The following CSMD1 variants were observed in gnomAD, a reference collection of about 807,000 sequenced individuals.
CSMD1 encodes CUB and sushi domain-containing protein 1.
Under a neutral mutation model 417.5 loss-of-function variants are expected in CSMD1, and 213 were observed. That is an observed-to-expected ratio of 0.51 (90% CI 0.46 to 0.57). CSMD1 has a LOEUF of 0.57. CSMD1 is among the 20% of genes least tolerant of loss of function. CSMD1 has a pLI of 0.00. For missense variants in CSMD1, 6,923 were observed against 4,529.7 expected, an observed-to-expected ratio of 1.53 and a Z score of -15.17; for synonymous variants, 2,862 against 1,736.8, an observed-to-expected ratio of 1.65 and a Z score of -16.11.
chr8:4,808,494 G>T (rs1585133919), intron 1 of CSMD1, among the ~76,000 whole-genome samples: 1 of 152,134 alleles, frequency 6.6e-6, no homozygotes, highest in Non-Finnish European at 1.5e-5. Context: ...AATAATCATA[G>T]TGAATAAAAC....
intron 5 of CSMD1, among the ~76,000 whole-genome samples, chr8:3,993,362 G>A (rs758993713): frequency 4.0e-4 from 61 of 152,080 alleles, no homozygotes; most frequent in Non-Finnish European, 8.1e-4. Flanking sequence ...AATTCTCCCT[G>A]GTTAGAAATT....
chr8:3,059,480 C>T (rs368936989), intron 49 of CSMD1, among the ~76,000 whole-genome samples: 13 of 152,090 alleles, frequency 8.5e-5, no homozygotes, highest in Non-Finnish European at 1.2e-4. Context: ...CGCTGTGAAG[C>T]GAAAATGCTG....
intron 7 of CSMD1, among the ~76,000 whole-genome samples, chr8:3,618,788 T>A (rs559765409): frequency 1.3e-5 from 2 of 152,346 alleles, no homozygotes; most frequent in South Asian, 4.1e-4. Context: ...TTTCATGATG[T>A]CTTACTCTCC....
intron 20 of CSMD1, among the ~76,000 whole-genome samples, chr8:3,366,597 T>C (rs1303999790): frequency 6.6e-6 from 1 of 152,180 alleles, no homozygotes; most frequent in Non-Finnish European, 1.5e-5. Flanking sequence ...CACCTGCTTC[T>C]TTCATCCTAG....
chr8:4,252,045 A>C (rs1803117769), intron 3 of CSMD1, among the ~76,000 whole-genome samples: 1 of 152,204 alleles, frequency 6.6e-6, no homozygotes, highest in African/African-American at 2.4e-5. Flanking sequence ...GAATTTCTTT[A>C]AGCACAGAAG....
rs1816185512 is a variant in CSMD1 at position 3,106,925 on chromosome 8, A to C, written c.6836-284T>G. On this transcript the variant is annotated intron_variant, in intron 45 of 69. Transcript: ENST00000635120. ...GGTTTCCCTTCCCCAGTGATTGCTG[A>C]CGAAAAGAAAAAAAAAGTAAAGTAG... 6 of 274,234 alleles carry C rather than the reference A, an allele frequency of 2.2e-5. No homozygotes were observed. The South Asian group carries it at 5.3e-4, about 24-fold the overall frequency. The allele number at this position is 274,234 out of a possible 1,614,324, so 17.0% of individuals were successfully genotyped here.
At chr8:4,112,195 T>C (rs547001368) in intron 3 of CSMD1, among the ~76,000 whole-genome samples, 1 of 152,120 alleles carries the variant, frequency 6.6e-6, no homozygotes, top group Non-Finnish European at 1.5e-5. Flanking sequence ...GCCATAATTA[T>C]CAAGAACCAG....
chr8:3,416,594 T>G (rs1052853282), intron 12 of CSMD1, among the ~76,000 whole-genome samples: 4 of 152,214 alleles, frequency 2.6e-5, no homozygotes, highest in Non-Finnish European at 4.4e-5. Flanking sequence ...TCCTTTTGTG[T>G]AGTCAACCAT....
In CSMD1 at chr8:2,965,765, C is replaced by T; in HGVS notation, c.9280+10G>A. On this transcript the variant is annotated intron_variant, in intron 59 of 69. Transcript: ENST00000635120. ...CACATCTGTAAAATCCAAAGAGTCA[C>T]CAAACAAACCTTTGCAGACAGGTTT... 6.3e-7 allele frequency: 1 copy of T among 1,593,562 alleles called. No homozygotes were observed. The highest frequency in any genetic ancestry group is 2.3e-5 in the East Asian group (1 of 44,272).
At chr8:4,302,798 C>T (rs931395571) in intron 3 of CSMD1, among the ~76,000 whole-genome samples, 3 of 152,152 alleles carry the variant, frequency 2.0e-5, no homozygotes, top group African/African-American at 7.2e-5. Flanking sequence ...AGCCCCTCTA[C>T]AAGCCAGAGA....
At chr8:3,639,860 G>C (rs1797222195) in intron 7 of CSMD1, among the ~76,000 whole-genome samples, 1 of 152,076 alleles carries the variant, frequency 6.6e-6, no homozygotes, top group Non-Finnish European at 1.5e-5. Flanking sequence ...TTATCAGCTG[G>C]AAAAATATGT....
At chr8:3,613,543 G>GA (rs573150107) in intron 8 of CSMD1, among the ~76,000 whole-genome samples, 3 of 151,498 alleles carry the variant, frequency 2.0e-5, no homozygotes, top group South Asian at 4.2e-4. Context: ...TCCATAAAAA[G>GA]AAAAAAACAT....
chr8:4,553,439 A>ATTTTT (rs34779117), intron 2 of CSMD1, among the ~76,000 whole-genome samples: 10 of 139,484 alleles, frequency 7.2e-5, no homozygotes, highest in African/African-American at 2.6e-4. Context: ...CTGAAAAAGA[A>ATTTTT]TTTTTTTTTT....
chr8:3,351,651 T>A (rs2654487), intron 21 of CSMD1, among the ~76,000 whole-genome samples: 1 of 147,838 alleles, frequency 6.8e-6, no homozygotes. Flanking sequence ...ACTTGGCTTG[T>A]TAACTAGAAA....
At chr8:3,967,245 A>G (rs1045721283) in intron 5 of CSMD1, among the ~76,000 whole-genome samples, 1 of 151,296 alleles carries the variant, frequency 6.6e-6, no homozygotes. Context: ...ATTCTGATCT[A>G]ATTCTTCTGC....
At chr8:3,335,177 C>G (rs1412630888) in intron 23 of CSMD1, among the ~76,000 whole-genome samples, 3 of 152,144 alleles carry the variant, frequency 2.0e-5, no homozygotes, top group African/African-American at 7.2e-5. Context: ...CCTCTCATGT[C>G]ACTTGTTAGG....
chr8:3,075,763 T>C (rs552952851), intron 49 of CSMD1, among the ~76,000 whole-genome samples: 257 of 150,694 alleles, frequency 1.7e-3, no homozygotes, highest in Middle Eastern at 0.01. Context: ...ATACATTGGC[T>C]GGGCGCGGTG....
chr8:3,463,995 G>T (rs183675666), intron 12 of CSMD1, among the ~76,000 whole-genome samples: 2 of 152,248 alleles, frequency 1.3e-5, no homozygotes, highest in East Asian at 3.9e-4. Context: ...TCCGTTTCTT[G>T]TATGAAATGG....
chr8:4,871,927 A>G (rs758368516), intron 1 of CSMD1, among the ~76,000 whole-genome samples: 5 of 151,956 alleles, frequency 3.3e-5, no homozygotes, highest in Non-Finnish European at 7.3e-5. Flanking sequence ...TCTGGTTTTC[A>G]TTTACCCACT....
Sources: gnomAD v4.1 joint callset for allele counts (sites outside exome capture counted in the v4.1 genomes callset) on GRCh38, gnomAD v4.1.1 for gene constraint, MANE v1.5 for transcripts, NCBI Gene and HGNC (gene_info 2026-07-23, HGNC 2026-07-21) for gene names.